The following RB1 variants were observed in gnomAD, a reference collection of about 807,000 sequenced individuals.
The protein encoded by RB1 is retinoblastoma-associated protein.
In RB1, 18 loss-of-function variants were observed where a neutral mutation model predicts 135.4. The observed-to-expected ratio is 0.13, with a 90% CI of 0.09 to 0.20. The LOEUF (loss-of-function observed/expected upper bound fraction) is 0.20. RB1 is among the 10% of genes least tolerant of loss of function. RB1 has a pLI of 1.00. For missense variants in RB1, 868 were observed against 1,110.0 expected (o/e 0.78, Z 3.10); for synonymous variants, 365 against 373.2 (o/e 0.98, Z 0.25).
intron 2 of RB1, among the ~76,000 whole-genome samples, chr13:48,309,913 C>T (rs1024823918): frequency 6.6e-6 from 1 of 152,122 alleles, no homozygotes; most frequent in African/African-American, 2.4e-5. Context: ...GGCTTTGTCT[C>T]TACCTTCCCT....
chr13:48,373,954 C>T (rs1182894053), intron 12 of RB1, among the ~76,000 whole-genome samples: 2 of 152,036 alleles, frequency 1.3e-5, no homozygotes, highest in Admixed American at 6.6e-5. Context: ...GAAGATAATA[C>T]ATTACCTGGA....
chr13:48,456,530 G>A (rs1949361445), intron 19 of RB1, among the ~76,000 whole-genome samples, 181 bp downstream of exon 19: 1 of 152,204 alleles, frequency 6.6e-6, no homozygotes, highest in East Asian at 1.9e-4. Context: ...ACTATTCAGA[G>A]TCGTTTTTCT....
chr13:48,401,803 T>C (rs1347903063), intron 17 of RB1, among the ~76,000 whole-genome samples: 1 of 152,230 alleles, frequency 6.6e-6, no homozygotes, highest in Non-Finnish European at 1.5e-5. Flanking sequence ...AAGCCTTTTC[T>C]TACTTTGCTA....
rs1949383772 is a variant in RB1 at position 48,459,711 on chromosome 13, C to G, written c.1984C>G (p.Leu662Val). ...AGTGTATCGGCTAGCCTATCTCCGG[C>G]TAAATACACTTTGTGAACGCCTTCT... ...KKVYRLAYLR[L>V]NTLCERLLSE... Residue 662 changes from leucine to valine, a missense_variant, in exon 20 of 27, where the codon CTA becomes GTA. This residue lies in a region of RB1 where 641 missense variants were observed against 791.3 expected (regional missense o/e 0.81). Transcript: ENST00000267163. 1.2e-6 allele frequency: 2 copies of G among 1,613,900 alleles called. No individual in the cohort carries two copies. The highest frequency in any genetic ancestry group is 2.2e-5 in the South Asian group (2 of 91,086).
intron 2 of RB1, chr13:48,320,554 G>A (rs1462553398): frequency 8.5e-6 from 4 of 469,654 alleles, no homozygotes; most frequent in Non-Finnish European, 1.6e-5. Context: ...GGTTGGCAGC[G>A]GGGTGCAGTG....
At chr13:48,447,686 G>A (rs1232592110) in intron 17 of RB1, among the ~76,000 whole-genome samples, 1 of 152,126 alleles carries the variant, frequency 6.6e-6, no homozygotes, top group African/African-American at 2.4e-5. Flanking sequence ...AGGTGGCCAG[G>A]ATTTGAACCC....
At chr13:48,345,878 C>T (rs930298456) in intron 4 of RB1, among the ~76,000 whole-genome samples, 2 of 152,032 alleles carry the variant, frequency 1.3e-5, no homozygotes, top group African/African-American at 4.8e-5. Context: ...AGAGGCATGG[C>T]CCTATTCTGG....
At chr13:48,320,845 A>G (rs1449152480) in intron 2 of RB1, among the ~76,000 whole-genome samples, 2 of 152,106 alleles carry the variant, frequency 1.3e-5, no homozygotes, top group African/African-American at 2.4e-5. Flanking sequence ...AAGAAAAAAA[A>G]AAAAAAGAGT....
chr13:48,318,739 T>C, intron 2 of RB1: 3 of 656,462 alleles, frequency 4.6e-6, no homozygotes, highest in Non-Finnish European at 2.7e-6. Flanking sequence ...TCCGGTGTTT[T>C]AGAGAGGGGG....
At chr13:48,477,002 G>C (rs529219002) in intron 25 of RB1, among the ~76,000 whole-genome samples, 159 bp downstream of exon 25, 2 of 152,300 alleles carry the variant, frequency 1.3e-5, no homozygotes, top group South Asian at 4.1e-4. Context: ...GTAGTGCAAA[G>C]TTAAAAACAT....
chr13:48,385,095 T>C (rs1353962399), intron 17 of RB1, among the ~76,000 whole-genome samples: 2 of 152,230 alleles, frequency 1.3e-5, no homozygotes, highest in African/African-American at 4.8e-5. Context: ...TTTCAATAAA[T>C]GTTTATAAAT....
At chr13:48,356,160 C>T (rs1388044051) in intron 6 of RB1, among the ~76,000 whole-genome samples, 1 of 152,050 alleles carries the variant, frequency 6.6e-6, no homozygotes, top group Non-Finnish European at 1.5e-5. Flanking sequence ...TGTATCAAAA[C>T]ATCTCACATA....
At chr13:48,393,777 A>G (rs1364252383) in intron 17 of RB1, among the ~76,000 whole-genome samples, 1 of 151,878 alleles carries the variant, frequency 6.6e-6, no homozygotes, top group East Asian at 1.9e-4. Context: ...TTTTTGTATT[A>G]AATTTTGGTA....
chr13:48,463,996 CTT>C (rs1372198354), intron 21 of RB1, among the ~76,000 whole-genome samples, 161 bp downstream of exon 21: 4 of 151,878 alleles, frequency 2.6e-5, no homozygotes, highest in East Asian at 3.9e-4. Context: ...TTATTTGTAA[CTT>C]AAATAGAATT....
intron 17 of RB1, among the ~76,000 whole-genome samples, chr13:48,446,267 A>G (rs1000819400): frequency 1.3e-5 from 2 of 151,994 alleles, no homozygotes; most frequent in Non-Finnish European, 2.9e-5. Flanking sequence ...CCCATTTTAA[A>G]TCTTATTCTC....
chr13:48,339,274 G>A (rs1381017332), intron 2 of RB1, among the ~76,000 whole-genome samples: 1 of 152,212 alleles, frequency 6.6e-6, no homozygotes, highest in African/African-American at 2.4e-5. Flanking sequence ...CCCAGAGGTG[G>A]AATCTACAGA....
chr13:48,416,255 C>T (rs198626), intron 17 of RB1: 139,818 of 152,268 alleles, frequency 0.92, 64,963 homozygotes, highest in East Asian at 1. Context: ...TGAGACTGGT[C>T]AGACAGGGGG....
intron 17 of RB1, among the ~76,000 whole-genome samples, chr13:48,425,138 TGA>T (rs1163175298): frequency 6.6e-6 from 1 of 152,174 alleles, no homozygotes; most frequent in Non-Finnish European, 1.5e-5. Context: ...CACATAGACA[TGA>T]GAATCTACGA....
At chr13:48,314,636 C>G (rs1314886989) in intron 2 of RB1, among the ~76,000 whole-genome samples, 1 of 152,056 alleles carries the variant, frequency 6.6e-6, no homozygotes, top group Non-Finnish European at 1.5e-5. Flanking sequence ...CCTGTCTCTA[C>G]TAAAAATACA....
Sources: allele counts gnomAD v4.1 joint callset (sites outside exome capture counted in the v4.1 genomes callset), GRCh38; gene constraint gnomAD v4.1.1; regional missense constraint gnomAD v4.1.1; transcripts MANE v1.5; gene names NCBI Gene and HGNC (gene_info 2026-07-23, HGNC 2026-07-21).